NR1D2: variants seen among roughly 807,000 people sequenced by gnomAD.
The protein encoded by NR1D2 is V-erbA-related protein 1-related.
Under a neutral mutation model 52.2 loss-of-function variants are expected in NR1D2, and 25 were observed. The ratio of observed to expected loss-of-function variants is 0.48; its 90% confidence interval spans 0.35 to 0.67. NR1D2 has a LOEUF of 0.67. Among genes scored for constraint, NR1D2 ranks in the 30% least tolerant of loss-of-function variants. The probability of loss-of-function intolerance (pLI) is 0.01; values close to 1 mark genes in which losing one functional copy is unlikely to be tolerated. For missense variants in NR1D2, 681 were observed against 707.2 expected, an observed-to-expected ratio of 0.96 and a Z score of 0.42; for synonymous variants, 259 against 230.1, an observed-to-expected ratio of 1.13 and a Z score of -1.14.
In NR1D2 at chr3:23,959,690, T is replaced by G. The variant is rs771303861; in HGVS notation, c.392T>G (p.Ile131Ser). 1 of 1,611,992 alleles carries G rather than the reference T, an allele frequency of 6.2e-7. No individual in the cohort carries two copies. The highest frequency in any genetic ancestry group is 8.5e-7 in the Non-Finnish European group (1 of 1,179,482). The stretch of plus-strand genomic sequence containing the variant: ...TCTTAGGGTTTCTTTCGGAGAAGTA[T>G]TCAACAAAACATCCAGTACAAGAAG... ...EGCKGFFRRSIQQNIQYKKCL... is the reference protein window; with the variant it reads ...EGCKGFFRRSSQQNIQYKKCL... The change falls in exon 4 of 8, where the codon ATT becomes AGT. Residue 131 changes from isoleucine (I) to serine (S), a missense_variant. Around this residue, in one of 3 missense-constraint regions of NR1D2, gnomAD observed 112 missense variants for 162.3 expected, o/e 0.69. Coordinates refer to ENST00000312521, the MANE Select transcript of NR1D2 (RefSeq NM_005126.5).
chr3:23,962,720 A>ACAGACTTAAT, intron 5 of NR1D2, 115 bp downstream of exon 5: 1 of 982,414 alleles, frequency 1.0e-6, no homozygotes. Flanking sequence ...TAAGAAATTT[A>ACAGACTTAAT]CAGACTTAAT....
chr3:23,963,674 C>A (rs991820066), intron 5 of NR1D2, among the ~76,000 whole-genome samples: 1 of 152,082 alleles, frequency 6.6e-6, no homozygotes, highest in Non-Finnish European at 1.5e-5. Context: ...GTCTTGAATT[C>A]CTGGCCTCAA....
intron 1 of NR1D2, among the ~76,000 whole-genome samples, chr3:23,953,342 CAAAAAAAAA>C (rs55698030): frequency 1.1e-3 from 60 of 52,454 alleles, no homozygotes; most frequent in African/African-American, 3.1e-3. Flanking sequence ...GACTCTGTCT[CAAAAAAAAA>C]AAAAAAAAAA....
At chr3:23,948,301 C>T (rs1705828417) in intron 1 of NR1D2, among the ~76,000 whole-genome samples, 2 of 152,038 alleles carry the variant, frequency 1.3e-5, no homozygotes, top group African/African-American at 4.8e-5. Context: ...CTCCTCGCCC[C>T]ATGAGTAACA....
In NR1D2 at chr3:23,977,279, C is replaced by T. The variant is rs377444226; in HGVS notation, c.1600C>T (p.Arg534Cys). The change falls in exon 8 of 8, where the codon CGT (arginine) becomes TGT (cysteine). Residue 534 changes from arginine (R) to cysteine (C), a missense_variant. Arg to Cys is a radical substitution (Grantham distance 180). Around this residue, in one of 3 missense-constraint regions of NR1D2, gnomAD observed 475 missense variants for 454.5 expected, o/e 1.05. Transcript: ENST00000312521. The part of the protein sequence containing the change: ...SVEALQETLI[R>C]ALRTLIMKNH... The stretch of plus-strand genomic sequence containing the variant: ...GGAGGCTTTGCAGGAAACTCTCATT[C>T]GTGCACTAAGGACCTTAATAATGAA... The T allele has an allele frequency of 2.5e-6, 4 of 1,612,142 alleles. No homozygotes were observed. The highest frequency in any genetic ancestry group is 2.2e-5 in the East Asian group (1 of 44,848).
intron 1 of NR1D2, among the ~76,000 whole-genome samples, chr3:23,952,740 A>G (rs1333999873): frequency 6.6e-6 from 1 of 151,692 alleles, no homozygotes; most frequent in Non-Finnish European, 1.5e-5. Flanking sequence ...AAAAAAAAAA[A>G]ATCGTGTCTG....
At chr3:23,949,775 C>G (rs1269924958) in intron 1 of NR1D2, among the ~76,000 whole-genome samples, 4 of 152,150 alleles carry the variant, frequency 2.6e-5, no homozygotes. Flanking sequence ...AGTCACAAGG[C>G]AGAAAAGTAC....
At position 23,963,489 on chromosome 3, in the gene NR1D2, G is replaced by T. The variant is rs1291607408; in HGVS notation, c.1146+884G>T. 4 of 821,852 alleles carry T rather than the reference G, an allele frequency of 4.9e-6. No homozygotes were observed. In the African/African-American group the frequency reaches 5.7e-5, roughly 12 times the overall value. The allele number at this position is 821,852 out of a possible 1,614,324, so 50.9% of individuals were successfully genotyped here. A position where few individuals can be genotyped will look rare whatever the true frequency, so the allele number is the denominator to read the frequency against. Reference sequence around the variant, plus strand: ...TTTTTTGAGACATTCTTGCTCTGTTGCCCAGGCTGGAGTGCGGTGGCGCGA... The same window carrying T: ...TTTTTTGAGACATTCTTGCTCTGTTTCCCAGGCTGGAGTGCGGTGGCGCGA... On this transcript the variant is annotated intron_variant, in intron 5 of 7. Coordinates refer to ENST00000312521, the MANE Select transcript of NR1D2 (RefSeq NM_005126.5).
At chr3:23,961,001 A>G (rs1706225065) in intron 4 of NR1D2, among the ~76,000 whole-genome samples, 1 of 152,242 alleles carries the variant, frequency 6.6e-6, no homozygotes, top group Non-Finnish European at 1.5e-5. Flanking sequence ...CTTCTAAAAG[A>G]ATAGAGGATG....
Position 23,951,045 on chromosome 3 carries a change from A to C in NR1D2, c.17-3492A>C, listed in dbSNP as rs540647764. On this transcript the variant is annotated intron_variant, in intron 1 of 7. Transcript: ENST00000312521. Reference sequence around the variant, plus strand: ...CTCAGCCTCCTGAGGAGCTGGGATTACAGGCATGCGCCACCACACCTGGCT... The same window carrying C: ...CTCAGCCTCCTGAGGAGCTGGGATTCCAGGCATGCGCCACCACACCTGGCT... Among the ~76,000 whole-genome samples, 202 of 151,722 alleles carry C rather than the reference A, an allele frequency of 1.3e-3. 1 individual carries two copies. The highest frequency in any genetic ancestry group is 2.3e-3 in the Non-Finnish European group (159 of 67,964).
At chr3:23,948,564 T>G (rs1705841388) in intron 1 of NR1D2, among the ~76,000 whole-genome samples, 1 of 152,148 alleles carries the variant, frequency 6.6e-6, no homozygotes. Flanking sequence ...TTGGAACTCT[T>G]CTAGTATAAT....
At chr3:23,948,114 A>G (rs965139454) in intron 1 of NR1D2, among the ~76,000 whole-genome samples, 2 of 137,614 alleles carry the variant, frequency 1.5e-5, no homozygotes, top group African/African-American at 3.0e-5. Context: ...CGAGACTCCC[A>G]TCTCAAAAAA....
chr3:23,954,603 G>T lies in NR1D2; in HGVS notation c.83G>T (p.Gly28Val), dbSNP rs753065853. The change falls in exon 2 of 8, where the codon GGT becomes GTT. Residue 28 changes from glycine to valine, a missense_variant. Physicochemically the swap from Gly to Val is moderately radical, Grantham distance 109. Transcript: ENST00000312521. ...AGCCCTGCCTCTTGTCACAGTGAGG[G>T]TTCTGAGAATAGTTTCCAGTCCTCC... ...ASSPASCHSE[G>V]SENSFQSSSS... 3 of 1,613,962 alleles carry T rather than the reference G, an allele frequency of 1.9e-6. No homozygotes were observed. In the Admixed American group the frequency reaches 5.0e-5, roughly 27 times the overall value.
At chr3:23,945,781 G>C (rs1185388521) in intron 1 of NR1D2, among the ~76,000 whole-genome samples, 187 bp downstream of exon 1, 1 of 150,340 alleles carries the variant, frequency 6.7e-6, no homozygotes, top group African/African-American at 2.4e-5. Flanking sequence ...CCGCCCTCTT[G>C]TCTCCCTGCA....
intron 7 of NR1D2, among the ~76,000 whole-genome samples, chr3:23,971,334 C>A (rs1340450142): frequency 4.5e-5 from 5 of 111,964 alleles, no homozygotes; most frequent in African/African-American, 1.8e-4. Context: ...GAGACAGAGT[C>A]TTACTCTGTC....
rs752379202 is a variant in NR1D2 at position 23,979,068 on chromosome 3, C to T, written c.*1649C>T. 5 of 151,968 alleles carry T rather than the reference C, an allele frequency of 3.3e-5. No homozygotes were observed. Among genetic ancestry groups the T allele is most frequent in the Non-Finnish European group, 7.4e-5 (5 of 67,932 alleles). 9.4% of individuals were successfully genotyped at this position (151,968 alleles called of 1,614,324 possible). A position where few individuals can be genotyped will look rare whatever the true frequency, so the allele number is the denominator to read the frequency against. Reference sequence around the variant, plus strand: ...TAACAGCCCGCTTTACTGTACTAAGCCTGTTACTTTCATGACGTGTGAGCA... The same window carrying T: ...TAACAGCCCGCTTTACTGTACTAAGTCTGTTACTTTCATGACGTGTGAGCA... On this transcript the variant is annotated 3_prime_UTR_variant, in exon 8 of 8. Transcript: ENST00000312521.
chr3:23,955,696 T>C (rs1193768322), intron 2 of NR1D2, among the ~76,000 whole-genome samples: 1 of 152,072 alleles, frequency 6.6e-6, no homozygotes, highest in East Asian at 1.9e-4. Flanking sequence ...TGCATGCCTG[T>C]AGTAGTCCCA....
In NR1D2 at chr3:23,962,013, A is replaced by G; in HGVS notation, c.554A>G (p.Gln185Arg). Residue 185 changes from glutamine to arginine, a missense_variant, in exon 5 of 8, where the codon CAG becomes CGG. Physicochemically the swap from Gln to Arg is conservative, Grantham distance 43. Around this residue, in one of 3 missense-constraint regions of NR1D2, gnomAD observed 112 missense variants for 162.3 expected, o/e 0.69. Coordinates refer to ENST00000312521, the MANE Select transcript of NR1D2 (RefSeq NM_005126.5). ...GGTCGTATTCCTAAGCGTGAAAAAC[A>G]GAGGATGCTAATTGAAATGCAAAGT... ...RFGRIPKREK[Q>R]RMLIEMQSAM... is the part of the protein sequence containing the mutation. 6.2e-7 allele frequency: 1 copy of G among 1,612,636 alleles called. No homozygotes were observed. Among genetic ancestry groups the G allele is most frequent in the Non-Finnish European group, 8.5e-7 (1 of 1,179,074 alleles).
At chr3:23,968,922 A>C (rs189365948) in intron 7 of NR1D2, among the ~76,000 whole-genome samples, 1 of 152,304 alleles carries the variant, frequency 6.6e-6, no homozygotes, top group African/African-American at 2.4e-5. Context: ...TGTGCTAGGC[A>C]TTGTGAGAGT....
Sources: allele counts gnomAD v4.1 joint callset (sites outside exome capture counted in the v4.1 genomes callset), GRCh38; gene constraint gnomAD v4.1.1; regional missense constraint gnomAD v4.1.1; transcripts MANE v1.5; gene names NCBI Gene and HGNC (gene_info 2026-07-23, HGNC 2026-07-21).